The following DCC variants were observed in gnomAD, a reference collection of about 807,000 sequenced individuals.
The protein encoded by DCC is DCC netrin 1 receptor.
DCC carries 58 observed loss-of-function variants against 172.5 expected under a neutral mutation model. The ratio of observed to expected loss-of-function variants is 0.34; its 90% confidence interval spans 0.27 to 0.42. The LOEUF (loss-of-function observed/expected upper bound fraction) is 0.42, where lower values mean the gene tolerates loss of function less well. Ranked by LOEUF, DCC falls within the 10% of genes least tolerant of loss-of-function variation. DCC has a pLI of 1.00. For missense variants in DCC, 1,740 were observed against 1,791.0 expected, an observed-to-expected ratio of 0.97 and a Z score of 0.51; for synonymous variants, 709 against 644.5, an observed-to-expected ratio of 1.10 and a Z score of -1.52.
At chr18:52,788,491 C>T (rs774017957) in intron 2 of DCC, among the ~76,000 whole-genome samples, 5 of 152,068 alleles carry the variant, frequency 3.3e-5, no homozygotes, top group Non-Finnish European at 5.9e-5. Context: ...ATTAAGACCA[C>T]CTTTTTGCAT....
intron 1 of DCC, among the ~76,000 whole-genome samples, chr18:52,349,816 T>C (rs2144240907): frequency 6.6e-6 from 1 of 152,316 alleles, no homozygotes; most frequent in Admixed American, 6.5e-5. Context: ...CATTTGATTT[T>C]TCCTCATACC....
intron 12 of DCC, among the ~76,000 whole-genome samples, chr18:53,298,081 G>A (rs2057088592): frequency 6.6e-6 from 1 of 152,086 alleles, no homozygotes; most frequent in Admixed American, 6.5e-5. Context: ...GCGATCACTG[G>A]AAATCCTCAA....
chr18:52,514,902 G>C (rs2144654415), intron 1 of DCC, among the ~76,000 whole-genome samples: 1 of 152,180 alleles, frequency 6.6e-6, no homozygotes, highest in Middle Eastern at 3.4e-3. Flanking sequence ...ATATTTATTG[G>C]AAAACAAATA....
rs534433151 is a variant in DCC at position 52,399,780 on chromosome 18, G to A, written c.91+58902G>A. Among the ~76,000 whole-genome samples, 20 of 151,986 alleles carry A rather than the reference G, an allele frequency of 1.3e-4. No homozygotes were observed. In the South Asian group the frequency reaches 3.3e-3, roughly 25 times the overall value. ...AAGCCGTTATTGACATGTCTGTTAC[G>A]TTCATTGGACTGTAAGTTCCCTGAG... On this transcript the variant is annotated intron_variant, in intron 1 of 28. Transcript: ENST00000442544.
intron 5 of DCC, among the ~76,000 whole-genome samples, chr18:53,062,155 AAGAG>A (rs1298209913): frequency 1.3e-5 from 2 of 152,198 alleles, no homozygotes; most frequent in East Asian, 1.9e-4. Context: ...ATAATAAAGA[AAGAG>A]AGAGATCATT....
At chr18:52,688,119 G>C (rs2035870581) in intron 1 of DCC, among the ~76,000 whole-genome samples, 1 of 128,356 alleles carries the variant, frequency 7.8e-6, no homozygotes, top group Admixed American at 8.2e-5. Context: ...AAATGTTCAG[G>C]GATCTTCTTT....
At chr18:52,959,023 T>C (rs1003322359) in intron 5 of DCC, among the ~76,000 whole-genome samples, 3 of 152,252 alleles carry the variant, frequency 2.0e-5, no homozygotes, top group Non-Finnish European at 2.9e-5. Flanking sequence ...TGTTAGTGTA[T>C]TTTTTGTGTG....
chr18:52,593,172 AT>A, intron 1 of DCC, among the ~76,000 whole-genome samples: 1 of 152,236 alleles, frequency 6.6e-6, no homozygotes, highest in South Asian at 2.1e-4. Context: ...TATCCAAAAC[AT>A]TTTTGAAGCT....
chr18:52,842,941 C>T (rs111856400), intron 2 of DCC, among the ~76,000 whole-genome samples: 3 of 152,078 alleles, frequency 2.0e-5, no homozygotes, highest in Non-Finnish European at 2.9e-5. Context: ...GAAGCAAGTT[C>T]GGAGAAATCG....
intron 2 of DCC, among the ~76,000 whole-genome samples, chr18:52,809,750 C>T (rs756513800): frequency 2.6e-5 from 4 of 152,140 alleles, no homozygotes; most frequent in Admixed American, 2.6e-4. Flanking sequence ...AGAGTGAAAA[C>T]ACAGCTCCCA....
intron 5 of DCC, among the ~76,000 whole-genome samples, chr18:52,972,350 A>G (rs538523072): frequency 1.8e-4 from 28 of 152,338 alleles, no homozygotes; most frequent in African/African-American, 6.5e-4. Context: ...TGAAATAAAC[A>G]TAAATAAGCT....
At chr18:53,010,905 G>A (rs1379924344) in intron 5 of DCC, among the ~76,000 whole-genome samples, 3 of 151,110 alleles carry the variant, frequency 2.0e-5, no homozygotes, top group Non-Finnish European at 4.4e-5. Flanking sequence ...AATAAGAAAT[G>A]TGAATATTTT....
intron 2 of DCC, among the ~76,000 whole-genome samples, chr18:52,853,410 C>T (rs916421271): frequency 3.3e-5 from 5 of 152,168 alleles, no homozygotes; most frequent in East Asian, 1.9e-4. Context: ...TACAATACAG[C>T]GTATTGACCA....
intron 1 of DCC, among the ~76,000 whole-genome samples, chr18:52,744,750 C>T (rs1310484402): frequency 6.6e-6 from 1 of 152,198 alleles, no homozygotes; most frequent in Non-Finnish European, 1.5e-5. Context: ...CCTCAGGCTA[C>T]AGCACAGTTA....
chr18:52,680,479 G>A (rs192467303), intron 1 of DCC, among the ~76,000 whole-genome samples: 3 of 152,118 alleles, frequency 2.0e-5, no homozygotes, highest in Non-Finnish European at 2.9e-5. Flanking sequence ...ATGTTCTCTC[G>A]GTTCCTTGCT....
chr18:52,900,075 G>A (rs938488639), intron 2 of DCC, among the ~76,000 whole-genome samples: 3 of 152,154 alleles, frequency 2.0e-5, no homozygotes, highest in Admixed American at 6.5e-5. Flanking sequence ...AGTAAGTGCT[G>A]GAGATAAAAC....
Position 53,261,547 on chromosome 18 carries a change from C to T in DCC, c.1912-44031C>T, listed in dbSNP as rs1162232995. 3.9e-5 allele frequency among the ~76,000 whole-genome samples: 6 copies of T among 152,222 alleles called. No homozygotes were observed. In the East Asian group the frequency reaches 9.7e-4, roughly 25 times the overall value. On this transcript the variant is annotated intron_variant, in intron 12 of 28. Transcript: ENST00000442544. The stretch of plus-strand genomic sequence containing the variant: ...CTGTTCCTGCTTGTTTTGAGGTGGG[C>T]AGGCCTATGCATACCTGTCTCCAAA...
intron 1 of DCC, among the ~76,000 whole-genome samples, chr18:52,541,905 A>ATC (rs2032471628): frequency 6.9e-6 from 1 of 144,802 alleles, no homozygotes; most frequent in East Asian, 2.0e-4. Flanking sequence ...ATGTGTATAT[A>ATC]TATATGTACA....
In DCC at chr18:53,447,474, G is replaced by C. The variant is rs147257688; in HGVS notation, c.3230-3026G>C. ...AAATGACATCAATATAATCTCACTGGTACTCAGCAGAATTCAGAGTTATTT... is the reference window on the plus strand; with the variant it reads ...AAATGACATCAATATAATCTCACTGCTACTCAGCAGAATTCAGAGTTATTT... On this transcript the variant is annotated intron_variant, in intron 22 of 28. Transcript: ENST00000442544. 7.2e-3 allele frequency among the ~76,000 whole-genome samples: 1,093 copies of C among 152,206 alleles called. 16 individuals carry two copies. Among genetic ancestry groups the C allele is most frequent in the Admixed American group, 0.027 (409 of 15,298 alleles).
Sources: allele counts gnomAD v4.1 joint callset (sites outside exome capture counted in the v4.1 genomes callset), GRCh38; gene constraint gnomAD v4.1.1; transcripts MANE v1.5; gene names NCBI Gene and HGNC (gene_info 2026-07-23, HGNC 2026-07-21).